Variants in CHCT1 observed in about 807,000 individuals in gnomAD.
The protein encoded by CHCT1 is CHD1 helical C-terminal domain containing protein 1.
the CHCT1 span, chr17:60,422,546 G>T: frequency 6.5e-7 from 1 of 1,548,856 alleles, no homozygotes; most frequent in South Asian, 1.2e-5. Flanking sequence ...GAAGCCAGAG[G>T]GGACGTGGGG....
At chr17:60,429,423 T>C in the CHCT1 span, 1 of 1,614,226 alleles carries the variant, frequency 6.2e-7, no homozygotes, top group Non-Finnish European at 8.5e-7. Flanking sequence ...GAAGACAGTC[T>C]GCCCAAGCTC....
chr17:60,422,349 C>G, the CHCT1 span: 1 of 994,060 alleles, frequency 1.0e-6, no homozygotes, highest in East Asian at 3.4e-5. Context: ...CGACCCCGCA[C>G]ATCTTGCTCC....
At chr17:60,423,015 C>G in the CHCT1 span, among the ~76,000 whole-genome samples, 1 of 152,112 alleles carries the variant, frequency 6.6e-6, no homozygotes, top group Non-Finnish European at 1.5e-5. Flanking sequence ...CTCCCTCCCC[C>G]TGGCCTTTCC....
chr17:60,426,022 T>G, the CHCT1 span: 3 of 1,258,174 alleles, frequency 2.4e-6, no homozygotes, highest in African/African-American at 3.0e-5. Flanking sequence ...TGGTGAGAGG[T>G]GCACCAGAGC....
chr17:60,425,769 CT>C, the CHCT1 span: 1 of 1,542,388 alleles, frequency 6.5e-7, no homozygotes, highest in African/African-American at 1.4e-5. Flanking sequence ...TTAGTGCCCC[CT>C]GCCTCCTCCT....
the CHCT1 span, chr17:60,429,637 T>C: frequency 1.4e-6 from 2 of 1,443,324 alleles, no homozygotes; most frequent in Middle Eastern, 1.8e-4. Flanking sequence ...AAGAGTAGAC[T>C]CAAGCAGCCG....
the CHCT1 span, among the ~76,000 whole-genome samples, chr17:60,428,268 G>A: frequency 2.6e-5 from 4 of 152,150 alleles, no homozygotes; most frequent in Admixed American, 1.3e-4. Flanking sequence ...TAGGAAGGAA[G>A]AGGAAGGGTT....
chr17:60,431,238 C>T, the CHCT1 span: 23 of 1,604,434 alleles, frequency 1.4e-5, no homozygotes, highest in East Asian at 6.7e-5. Flanking sequence ...ATAAAGGAAG[C>T]CCCAGAAACT....
chr17:60,421,960 T>C, the CHCT1 span: 8 of 985,208 alleles, frequency 8.1e-6, no homozygotes, highest in Non-Finnish European at 9.6e-6. Flanking sequence ...ACAGAGCCCG[T>C]AGGCACTGGC....
the CHCT1 span, chr17:60,422,592 G>A: frequency 6.4e-7 from 1 of 1,550,396 alleles, no homozygotes; most frequent in South Asian, 1.2e-5. Flanking sequence ...CACCTGCTGA[G>A]ATGGAGGCCT....
the CHCT1 span, chr17:60,422,509 C>G: frequency 1.9e-6 from 3 of 1,541,440 alleles, no homozygotes; most frequent in African/African-American, 1.4e-5. Context: ...CTCCCTGAGA[C>G]GGCTAGGTCA....
At chr17:60,429,848 G>A in the CHCT1 span, among the ~76,000 whole-genome samples, 7 of 151,058 alleles carry the variant, frequency 4.6e-5, no homozygotes, top group African/African-American at 1.5e-4. Context: ...TTTTCCAGAC[G>A]GAGTCTCGCT....
At chr17:60,426,300 A>G in the CHCT1 span, 1 of 1,551,680 alleles carries the variant, frequency 6.4e-7, no homozygotes, top group South Asian at 1.2e-5. Context: ...TTTCTGCAGC[A>G]TTACTGCCAA....
the CHCT1 span, chr17:60,426,528 G>C: frequency 9.4e-7 from 1 of 1,058,322 alleles, no homozygotes; most frequent in South Asian, 1.6e-5. Flanking sequence ...GAACAACTGC[G>C]TGCAGGCGCT....
At chr17:60,430,741 G>A in the CHCT1 span, among the ~76,000 whole-genome samples, 27,596 of 152,198 alleles carry the variant, frequency 0.18, 8,303 homozygotes, top group African/African-American at 0.62. Context: ...TCAGCTTCCC[G>A]AAGTGCTGGG....
chr17:60,427,658 C>T, the CHCT1 span, among the ~76,000 whole-genome samples: 3 of 152,138 alleles, frequency 2.0e-5, no homozygotes, highest in Non-Finnish European at 4.4e-5. Context: ...AGGTGATCTG[C>T]CCGCCTCAGC....
chr17:60,426,643 C>G, the CHCT1 span: 1 of 1,544,632 alleles, frequency 6.5e-7, no homozygotes, highest in Non-Finnish European at 8.7e-7. Context: ...TGGGTGGGTC[C>G]TGACCCTGAG....
chr17:60,421,749 G>A, the CHCT1 span: 5 of 836,514 alleles, frequency 6.0e-6, no homozygotes, highest in Non-Finnish European at 7.2e-6. Flanking sequence ...TCTGCCCACC[G>A]CGTTTCCGCC....
chr17:60,422,409 A>AG, the CHCT1 span: 1 of 1,441,264 alleles, frequency 6.9e-7, no homozygotes, highest in Non-Finnish European at 9.2e-7. Context: ...GCCACCCCTA[A>AG]GAATGAGGAA....
Sources: gnomAD v4.1 joint callset for allele counts (sites outside exome capture counted in the v4.1 genomes callset) on GRCh38, gnomAD v4.1.1 for gene constraint, MANE v1.5 for transcripts, NCBI Gene and HGNC (gene_info 2026-07-23, HGNC 2026-07-21) for gene names.